The following CELF2 variants were observed in gnomAD, a reference collection of about 807,000 sequenced individuals.
CELF2 encodes CUGBP Elav-like family member 2.
In CELF2, 8 loss-of-function variants were observed where a neutral mutation model predicts 62.6. The ratio of observed to expected loss-of-function variants is 0.13; its 90% CI spans 0.07 to 0.23. The LOEUF is 0.23. Ranked by LOEUF, CELF2 falls within the 10% of genes least tolerant of loss-of-function variation. The pLI, the probability that CELF2 is intolerant of heterozygous loss-of-function variation, is 1.00. For synonymous variants in CELF2, 258 were observed against 250.0 expected, an observed-to-expected ratio of 1.03 and a Z score of -0.30; for missense variants, 333 against 671.0, an observed-to-expected ratio of 0.50 and a Z score of 5.56.
chr10:11,201,411 TTG>T (rs375374480), intron 2 of CELF2, among the ~76,000 whole-genome samples: 3 of 152,010 alleles, frequency 2.0e-5, no homozygotes, highest in Non-Finnish European at 4.4e-5. Context: ...TCTTTGGTTT[TTG>T]TGTGTGTGTG....
At chr10:10,744,315 G>C in the CELF2 span, among the ~76,000 whole-genome samples, 10 of 152,196 alleles carry the variant, frequency 6.6e-5, no homozygotes, top group African/African-American at 2.4e-4. Context: ...GAGATATCAG[G>C]TGTAATTATT....
At chr10:11,144,900 GAAAAA>G (rs397846995) in intron 1 of CELF2, among the ~76,000 whole-genome samples, 7 of 74,100 alleles carry the variant, frequency 9.4e-5, no homozygotes, top group African/African-American at 2.1e-4. Context: ...TCAGGAAACA[GAAAAA>G]AAAAAAAAAA....
chr10:10,861,355 T>C (rs986757203), intron 1 of CELF2, among the ~76,000 whole-genome samples: 2 of 152,206 alleles, frequency 1.3e-5, no homozygotes, highest in Non-Finnish European at 2.9e-5. Context: ...ATTACAGGCA[T>C]GAACCACTGT....
chr10:11,005,338 T>G lies in CELF2; in HGVS notation c.-50T>G. On this transcript the variant is annotated 5_prime_UTR_variant, in exon 1 of 13. Coordinates refer to the CELF2 transcript ENST00000416382. This position sits in a 1 kb window ranked among gnomAD's most constrained non-coding sequence, Gnocchi z 4.3. ...GTGAGCAGCGACTGTGGCATTGATGTTTGAGCATACTTCTGAACTGGCTTT... is the reference window on the plus strand; with the variant it reads ...GTGAGCAGCGACTGTGGCATTGATGGTTGAGCATACTTCTGAACTGGCTTT... 6.2e-7 allele frequency: 1 copy of G among 1,613,106 alleles called. No individual in the cohort carries two copies. The highest frequency in any genetic ancestry group is 8.5e-7 in the Non-Finnish European group (1 of 1,179,426).
chr10:10,652,831 C>T, the CELF2 span, among the ~76,000 whole-genome samples: 1 of 151,524 alleles, frequency 6.6e-6, no homozygotes, highest in Non-Finnish European at 1.5e-5. Flanking sequence ...GCAAAATCAC[C>T]AGCTAACATC....
At chr10:10,608,316 A>G in the CELF2 span, among the ~76,000 whole-genome samples, 1 of 152,178 alleles carries the variant, frequency 6.6e-6, no homozygotes, top group South Asian at 2.1e-4. Context: ...TTTGAACACC[A>G]GAAGTGTTTA....
intron 2 of CELF2, among the ~76,000 whole-genome samples, chr10:10,965,312 T>C (rs2050006342): frequency 6.6e-6 from 1 of 152,222 alleles, no homozygotes; most frequent in East Asian, 1.9e-4. Context: ...TTGAAAATTC[T>C]TAAAGACAAA....
chr10:11,327,133 G>A (rs1428576124), intron 12 of CELF2, among the ~76,000 whole-genome samples: 2 of 141,790 alleles, frequency 1.4e-5, no homozygotes, highest in Non-Finnish European at 3.0e-5. Flanking sequence ...CGGCTGCTGT[G>A]GCAACTGTAT....
At position 11,098,876 on chromosome 10, in the gene CELF2, G is replaced by A. The variant is rs560898757; in HGVS notation, c.75-66610G>A. 1.3e-5 allele frequency among the ~76,000 whole-genome samples: 2 copies of A among 152,262 alleles called. No individual in the cohort carries two copies. The highest frequency in any genetic ancestry group is 2.4e-5 in the African/African-American group (1 of 41,526). ...GGCCACGCGTGAGAGCAGCTTCCCC[G>A]AACCTCTCTCATCCCCTCAGTTTGG... is the stretch of plus-strand genomic sequence containing the variant. On this transcript the variant is annotated intron_variant, in intron 1 of 12. Coordinates refer to ENST00000633077, the MANE Select transcript of CELF2 (RefSeq NM_001326342.2). The surrounding 1 kb of genome is among the most constrained non-coding windows in gnomAD (Gnocchi z 4.0).
At chr10:11,180,118 G>A (rs1358813784) in intron 2 of CELF2, among the ~76,000 whole-genome samples, 1 of 152,150 alleles carries the variant, frequency 6.6e-6, no homozygotes, top group African/African-American at 2.4e-5. Flanking sequence ...TTTCTAAATT[G>A]TAAAACTCCA....
At chr10:10,760,494 A>G in the CELF2 span, among the ~76,000 whole-genome samples, 1 of 152,224 alleles carries the variant, frequency 6.6e-6, no homozygotes, top group Non-Finnish European at 1.5e-5. Context: ...AACTCAGAAG[A>G]TGCAAGCAAG....
rs1335402132 is a variant in CELF2 at position 11,237,247 on chromosome 10, A to G, written c.355-11906A>G. 2.0e-5 allele frequency among the ~76,000 whole-genome samples: 3 copies of G among 152,200 alleles called. No individual in the cohort carries two copies. The East Asian group carries it at 5.8e-4, about 29-fold the overall frequency. ...AACTGAGGATTTCAAGGGGTAGAAA[A>G]TTAAGCAAATTTAGAGCCACGCCAG... On this transcript the variant is annotated intron_variant, in intron 3 of 12. Coordinates refer to ENST00000633077, the MANE Select transcript of CELF2 (RefSeq NM_001326342.2). The surrounding 1 kb of genome is among the most constrained non-coding windows in gnomAD (Gnocchi z 4.0).
chr10:10,609,233 G>A, the CELF2 span, among the ~76,000 whole-genome samples: 107 of 152,250 alleles, frequency 7.0e-4, no homozygotes, highest in Admixed American at 5.3e-3. Flanking sequence ...CAAGGCTAAA[G>A]GTACAATCCA....
chr10:10,462,990 C>A, the CELF2 span, among the ~76,000 whole-genome samples: 1 of 152,032 alleles, frequency 6.6e-6, no homozygotes, highest in South Asian at 2.1e-4. Context: ...CAGACCATAA[C>A]GAGTCTGCTG....
the CELF2 span, among the ~76,000 whole-genome samples, chr10:10,465,176 TACG>T: frequency 6.6e-6 from 1 of 152,046 alleles, no homozygotes; most frequent in Non-Finnish European, 1.5e-5. Flanking sequence ...TCCCTGAAAA[TACG>T]ACATTTGACA....
intron 3 of CELF2, among the ~76,000 whole-genome samples, chr10:11,245,638 C>CT (rs1485101282): frequency 1.3e-5 from 2 of 152,190 alleles, no homozygotes; most frequent in Non-Finnish European, 2.9e-5. Flanking sequence ...TCTGAAGAGT[C>CT]TTACGGCAGC....
At chr10:10,878,892 C>T (rs1333484084) in intron 1 of CELF2, among the ~76,000 whole-genome samples, 3 of 152,160 alleles carry the variant, frequency 2.0e-5, no homozygotes, top group Non-Finnish European at 4.4e-5. Context: ...AGGGCTATGA[C>T]TGCTTTGTGG....
At chr10:11,326,445 C>T (rs978566137) in intron 12 of CELF2, among the ~76,000 whole-genome samples, 8 of 152,302 alleles carry the variant, frequency 5.3e-5, no homozygotes, top group South Asian at 4.1e-4. Context: ...ACAGATCTCA[C>T]GGTTACATAG....
chr10:10,643,691 C>T, the CELF2 span, among the ~76,000 whole-genome samples: 1 of 152,204 alleles, frequency 6.6e-6, no homozygotes, highest in African/African-American at 2.4e-5. Context: ...AAATATTGAC[C>T]TCTATAGAGT....
Sources: gnomAD v4.1 joint callset for allele counts (sites outside exome capture counted in the v4.1 genomes callset) on GRCh38, gnomAD v4.1.1 for gene constraint, Gnocchi (gnomAD v3.1) non-coding constraint, MANE v1.5 for transcripts, NCBI Gene and HGNC (gene_info 2026-07-23, HGNC 2026-07-21) for gene names.